The following GALNTL5 variants were observed in gnomAD, a reference collection of about 807,000 sequenced individuals.
GALNTL5 encodes the protein inactive polypeptide N-acetylgalactosaminyltransferase-like protein 5.
In GALNTL5, 44 loss-of-function variants were observed where a neutral mutation model predicts 51.0. That is an observed-to-expected ratio of 0.86 (90% confidence interval 0.68 to 1.11). The LOEUF is 1.11. Among genes scored for constraint, GALNTL5 ranks in the 50% least tolerant of loss-of-function variants. The probability of loss-of-function intolerance (pLI) is 0.00; values close to 1 mark genes in which losing one functional copy is unlikely to be tolerated. For missense variants in GALNTL5, 528 were observed against 531.8 expected (o/e 0.99, Z 0.07); for synonymous variants, 192 against 182.8 (o/e 1.05, Z -0.41).
chr7:151,973,801 G>A (rs1204762236), intron 3 of GALNTL5, among the ~76,000 whole-genome samples: 1 of 151,942 alleles, frequency 6.6e-6, no homozygotes. Flanking sequence ...GAATGATATG[G>A]TTTGGCTGTG....
intron 3 of GALNTL5, among the ~76,000 whole-genome samples, chr7:151,972,557 T>G (rs2081158231): frequency 6.6e-6 from 1 of 152,170 alleles, no homozygotes; most frequent in Non-Finnish European, 1.5e-5. Context: ...AAAAATGATT[T>G]TGTTGGCCAG....
chr7:152,011,505 G>A (rs1392614212), intron 7 of GALNTL5, among the ~76,000 whole-genome samples: 1 of 152,246 alleles, frequency 6.6e-6, no homozygotes, highest in Non-Finnish European at 1.5e-5. Flanking sequence ...AAGGTGTGCT[G>A]CTCCAGGAAC....
intron 3 of GALNTL5, 169 bp from the exon 4 acceptor site, chr7:151,982,817 T>A (rs1312810654): frequency 8.6e-6 from 12 of 1,396,028 alleles, no homozygotes; most frequent in Non-Finnish European, 1.2e-5. Context: ...ACATAAGAAG[T>A]TAAATAAATT....
chr7:151,998,782 A>C (rs113949949), intron 5 of GALNTL5, among the ~76,000 whole-genome samples: 15 of 109,550 alleles, frequency 1.4e-4, no homozygotes, highest in Middle Eastern at 5.1e-3. Flanking sequence ...AAAAAAAAAA[A>C]ACAAAAAACA....
intron 1 of GALNTL5, among the ~76,000 whole-genome samples, chr7:151,965,736 A>G (rs1051966583): frequency 1.3e-5 from 2 of 152,056 alleles, no homozygotes; most frequent in African/African-American, 4.8e-5. Context: ...TAATAATAAT[A>G]ATTAGCCACG....
At chr7:152,014,922 C>A in intron 8 of GALNTL5, 129 bp downstream of exon 8, 1 of 804,018 alleles carries the variant, frequency 1.2e-6, no homozygotes, top group Non-Finnish European at 1.9e-6. Flanking sequence ...CAAATTAACA[C>A]AGGAACGGAA....
chr7:151,989,259 C>T (rs2081397821), intron 5 of GALNTL5, among the ~76,000 whole-genome samples: 1 of 151,832 alleles, frequency 6.6e-6, no homozygotes, highest in African/African-American at 2.4e-5. Flanking sequence ...AAGTGATTCT[C>T]CTGCCTCAGC....
In GALNTL5 at chr7:151,962,436, C is replaced by CTTTTTTTTTTTTTTTTTTTTTTTTT. The variant is rs61210832; in HGVS notation, c.-39-4757_-39-4756insTTTTTTTTTTTTTTTTTTTTTTTTT. Among the ~76,000 whole-genome samples the CTTTTTTTTTTTTTTTTTTTTTTTTT allele has an allele frequency of 7.7e-5, 9 of 116,242 alleles. 1 individual carries two copies. Among genetic ancestry groups the CTTTTTTTTTTTTTTTTTTTTTTTTT allele is most frequent in the Non-Finnish European group, 1.0e-4 (6 of 57,318 alleles). The allele number at this position is 116,242 out of a possible 152,430, so 76.3% of individuals were successfully genotyped here. A position where few individuals can be genotyped will look rare whatever the true frequency, so the allele number is the denominator to read the frequency against. On this transcript the variant is annotated intron_variant, in intron 1 of 8. Coordinates refer to ENST00000392800, the MANE Select transcript of GALNTL5 (RefSeq NM_145292.4). ...AAAAAAGTCTGTGTGATTTTTTTTTCTTTTTTTTTTTTTTTGGTTAATGCA... is the reference window on the plus strand; with the variant it reads ...AAAAAAGTCTGTGTGATTTTTTTTTCTTTTTTTTTTTTTTTTTTTTTTTTTTTTTTTTTTTTTTTTGGTTAATGCA...
chr7:152,010,119 C>CTT (rs371662298), intron 7 of GALNTL5, among the ~76,000 whole-genome samples: 1,633 of 146,380 alleles, frequency 0.011, 30 homozygotes, highest in African/African-American at 0.038. Flanking sequence ...AAAGTGGCTT[C>CTT]TTTTTTTTTT....
intron 1 of GALNTL5, among the ~76,000 whole-genome samples, chr7:151,961,299 C>T (rs956024743): frequency 2.8e-4 from 43 of 151,212 alleles, no homozygotes; most frequent in African/African-American, 9.2e-4. Context: ...CTCAGGAGTT[C>T]GAAACCAGCC....
intron 3 of GALNTL5, among the ~76,000 whole-genome samples, chr7:151,971,591 C>T (rs1472134965): frequency 6.6e-6 from 1 of 152,082 alleles, no homozygotes; most frequent in Non-Finnish European, 1.5e-5. Flanking sequence ...GCCATCGATA[C>T]CATCCATCTC....
At chr7:151,958,297 G>T (rs553237421) in intron 1 of GALNTL5, among the ~76,000 whole-genome samples, 6 of 152,304 alleles carry the variant, frequency 3.9e-5, no homozygotes, top group East Asian at 3.9e-4. Context: ...TCTGTGCTTA[G>T]CCCATGGCTG....
chr7:151,983,168 C>T lies in GALNTL5; in HGVS notation c.535+16C>T. On this transcript the variant is annotated intron_variant, in intron 4 of 8. Coordinates refer to ENST00000392800, the MANE Select transcript of GALNTL5 (RefSeq NM_145292.4). ...AGCAAAGTTGGTAAGATAGAACACT[C>T]ATTATCTCATCTACTTTGTTGTTGT... 1 of 1,589,686 alleles carries T rather than the reference C, an allele frequency of 6.3e-7. No homozygotes were observed. Among genetic ancestry groups the T allele is most frequent in the Non-Finnish European group, 8.6e-7 (1 of 1,158,764 alleles).
At chr7:151,983,550 G>T (rs184688748) in intron 4 of GALNTL5, among the ~76,000 whole-genome samples, 7 of 152,216 alleles carry the variant, frequency 4.6e-5, no homozygotes, top group African/African-American at 1.7e-4. Flanking sequence ...TCTTTTTGGT[G>T]GGTATTGGGG....
At chr7:151,997,271 G>A (rs1424404708) in intron 5 of GALNTL5, among the ~76,000 whole-genome samples, 2 of 152,330 alleles carry the variant, frequency 1.3e-5, no homozygotes, top group East Asian at 1.9e-4. Context: ...TCTGATGAAT[G>A]TCTGATAGGT....
intron 7 of GALNTL5, 24 bp from the exon 8 acceptor site, chr7:152,014,620 G>A: frequency 6.3e-7 from 1 of 1,583,714 alleles, no homozygotes; most frequent in Non-Finnish European, 8.6e-7. Flanking sequence ...GCATTCGTAT[G>A]TTTTTTGTTC....
At chr7:151,991,123 CG>C (rs2081424385) in intron 5 of GALNTL5, among the ~76,000 whole-genome samples, 1 of 152,028 alleles carries the variant, frequency 6.6e-6, no homozygotes, top group Non-Finnish European at 1.5e-5. Context: ...GATGGAGTCT[CG>C]CTCTGTCGCC....
Position 151,995,347 on chromosome 7 carries a change from A to ATTTTTTTTTTTTTT in GALNTL5, c.659-7367_659-7366insTTTTTTTTTTTTTT, listed in dbSNP as rs1563017632. The ATTTTTTTTTTTTTT allele has an allele frequency of 2.1e-4, 19 of 90,980 alleles. 6 individuals carry two copies. The highest frequency in any genetic ancestry group is 2.9e-4 in the Non-Finnish European group (13 of 45,352). 5.6% of individuals were successfully genotyped at this position (90,980 alleles called of 1,614,324 possible). On this transcript the variant is annotated intron_variant, in intron 5 of 8. Transcript: ENST00000392800. ...AAGAAATCTACGATCAGTTGGTATG[A>ATTTTTTTTTTTTTT]ATTTTTTTTTTTTTTTTTTTTTTTT...
Position 152,007,866 on chromosome 7 carries a change from G to C in GALNTL5, c.948G>C (p.Arg316=), listed in dbSNP as rs879050923. The change falls in exon 7 of 9, where the codon CGG becomes CGC. Residue 316 remains arginine, a synonymous_variant. Coordinates refer to ENST00000392800, the MANE Select transcript of GALNTL5 (RefSeq NM_145292.4). ...CTGGAGGAATTTTTGCTATACGTCG[G>C]CATTATTTTAATGAAATTGGACAGT... ...AMSGGIFAIR[R]HYFNEIGQYD... The C allele has an allele frequency of 6.2e-7, 1 of 1,612,642 alleles. No individual in the cohort carries two copies. Among genetic ancestry groups the C allele is most frequent in the Non-Finnish European group, 8.5e-7 (1 of 1,179,064 alleles).
Sources: allele counts gnomAD v4.1 joint callset (sites outside exome capture counted in the v4.1 genomes callset), GRCh38; gene constraint gnomAD v4.1.1; transcripts MANE v1.5; gene names NCBI Gene and HGNC (gene_info 2026-07-23, HGNC 2026-07-21).